Variants in WDR17 observed in about 807,000 individuals in gnomAD.
WDR17 encodes WD repeat-containing protein 17.
WDR17 carries 143 observed loss-of-function variants against 161.7 expected under a neutral mutation model. The ratio of observed to expected loss-of-function variants is 0.88; its 90% CI spans 0.77 to 1.02. The LOEUF (loss-of-function observed/expected upper bound fraction) is 1.02. Among genes scored for constraint, WDR17 ranks in the 50% least tolerant of loss-of-function variants. The pLI is 0.00. For missense variants in WDR17, 1,469 were observed against 1,520.9 expected (o/e 0.97, Z 0.57); for synonymous variants, 517 against 515.6 (o/e 1.00, Z -0.04).
intron 1 of WDR17, among the ~76,000 whole-genome samples, chr4:176,070,680 AT>A (rs762685959): frequency 3.3e-3 from 479 of 143,384 alleles, no homozygotes; most frequent in Admixed American, 4.0e-3. Context: ...CTCTTGGCTA[AT>A]TTTTTTTTTT....
chr4:176,143,600 G>A (rs1054401318), intron 11 of WDR17, among the ~76,000 whole-genome samples: 1 of 152,088 alleles, frequency 6.6e-6, no homozygotes, highest in African/African-American at 2.4e-5. Context: ...GATGGGTTGA[G>A]CCCAGGAGGT....
intron 3 of WDR17, among the ~76,000 whole-genome samples, chr4:176,118,909 C>T (rs183248456): frequency 8.5e-4 from 129 of 151,856 alleles, no homozygotes; most frequent in African/African-American, 2.9e-3. Context: ...TGCAGTGAGC[C>T]GAGATTGCAT....
chr4:176,079,154 A>T (rs1253429028), intron 1 of WDR17, among the ~76,000 whole-genome samples: 1 of 152,112 alleles, frequency 6.6e-6, no homozygotes. Context: ...GGCTTATTTC[A>T]CTTAACATGT....
intron 1 of WDR17, among the ~76,000 whole-genome samples, chr4:176,084,681 T>A (rs1378669013): frequency 6.6e-6 from 1 of 150,616 alleles, no homozygotes; most frequent in Non-Finnish European, 1.5e-5. Context: ...TTTTAAAGCT[T>A]TAATACTTTA....
Position 176,138,770 on chromosome 4 carries a change from G to A in WDR17, c.1360-1122G>A, listed in dbSNP as rs1212751151. ...CCTAAACACTTCCAGCCTGATTGTG[G>A]AAACCCAGCATTTTAGTATCAAGGA... is the stretch of plus-strand genomic sequence containing the variant. On this transcript the variant is annotated intron_variant, in intron 9 of 28. Transcript: ENST00000508596. 2.6e-5 allele frequency among the ~76,000 whole-genome samples: 4 copies of A among 151,770 alleles called. No individual in the cohort carries two copies. The South Asian group carries it at 8.3e-4, about 31-fold the overall frequency.
intron 8 of WDR17, 28 bp downstream of exon 8, chr4:176,135,304 A>G (rs773810932): frequency 8.1e-6 from 13 of 1,605,498 alleles, no homozygotes; most frequent in Admixed American, 5.0e-5. Context: ...GAAATTAGGA[A>G]TACAATGAAA....
intron 1 of WDR17, among the ~76,000 whole-genome samples, chr4:176,087,003 C>G (rs765340616): frequency 3.3e-5 from 5 of 151,894 alleles, no homozygotes; most frequent in African/African-American, 7.2e-5. Context: ...CTAATACTAA[C>G]TCCATTTATC....
chr4:176,132,967 G>C (rs1041970373), intron 7 of WDR17, among the ~76,000 whole-genome samples: 1 of 151,512 alleles, frequency 6.6e-6, no homozygotes, highest in Non-Finnish European at 1.5e-5. Flanking sequence ...CATCAGCACT[G>C]GGTTGAGTCA....
rs961795446 is a variant in WDR17, at chr4:176,065,961, T to A, written c.-125T>A. On this transcript the variant is annotated 5_prime_UTR_variant, in exon 1 of 29. Coordinates refer to ENST00000508596, the MANE Select transcript of WDR17 (RefSeq NM_181265.4). The stretch of plus-strand genomic sequence containing the variant: ...CCGGCCGCCCCGCCCCCGGGCGCCC[T>A]GAGCGAGCAGGCGGGGAGGGCGGGG... 6.6e-6 allele frequency: 1 copy of A among 152,036 alleles called. No homozygotes were observed. The highest frequency in any genetic ancestry group is 2.4e-5 in the African/African-American group (1 of 41,402). 9.4% of individuals were successfully genotyped at this position (152,036 alleles called of 1,614,324 possible).
rs769822922 is a variant in WDR17 at position 176,120,037 on chromosome 4, C to T, written c.478C>T (p.His160Tyr). The change falls in exon 4 of 29, where the codon CAC (histidine) becomes TAC (tyrosine). Residue 160 changes from histidine (H) to tyrosine (Y), a missense_variant. Transcript: ENST00000508596. ...TATCTGTATGTTCAGATGGCATACA[C>T]ACCAAAAGGGGAAAGTTGTGTTTGG... ...SDICMFRWHTHQKGKVVFGHI... is the reference protein window; with the variant it reads ...SDICMFRWHTYQKGKVVFGHI... 6.2e-7 allele frequency: 1 copy of T among 1,613,960 alleles called. No homozygotes were observed. The highest frequency in any genetic ancestry group is 8.5e-7 in the Non-Finnish European group (1 of 1,179,966).
intron 19 of WDR17, 41 bp from the exon 20 acceptor site, chr4:176,160,870 C>CA: frequency 6.8e-7 from 1 of 1,476,490 alleles, no homozygotes; most frequent in Non-Finnish European, 9.2e-7. Context: ...CAATTATCAA[C>CA]AATTAGCTAA....
chr4:176,151,394 C>T (rs6826405), intron 16 of WDR17, among the ~76,000 whole-genome samples: 7,579 of 152,132 alleles, frequency 0.05, 583 homozygotes, highest in African/African-American at 0.16. Flanking sequence ...CCGTGTCCCA[C>T]CCCCACACAC....
Position 176,142,040 on chromosome 4 carries a change from G to A in WDR17, c.1500G>A (p.Val500=), listed in dbSNP as rs780820011. 22 of 1,610,932 alleles carry A rather than the reference G, an allele frequency of 1.4e-5. No homozygotes were observed. The highest frequency in any genetic ancestry group is 1.8e-5 in the Non-Finnish European group (21 of 1,178,356). The change falls in exon 11 of 29, where the codon GTG becomes GTA. Residue 500 remains valine, a synonymous_variant. Coordinates refer to ENST00000508596, the MANE Select transcript of WDR17 (RefSeq NM_181265.4). ...ACAAATATAAACATCCAGCTGCAGT[G>A]TTTGGTTGTGATTGGAGCCAAAACA... ...VLHKYKHPAA[V]FGCDWSQNNK... is the part of the protein sequence containing the mutation.
chr4:176,148,761 T>C (rs968625939), intron 13 of WDR17, among the ~76,000 whole-genome samples: 18 of 152,256 alleles, frequency 1.2e-4, no homozygotes, highest in Admixed American at 2.0e-4. Flanking sequence ...TCCTCTATTC[T>C]TGGATGTTTA....
At position 176,130,670 on chromosome 4, in the gene WDR17, G is replaced by A. The variant is rs375290074; in HGVS notation, c.914-884G>A. 8.1e-4 allele frequency among the ~76,000 whole-genome samples: 123 copies of A among 151,692 alleles called. 1 individual carries two copies. The South Asian group carries it at 0.025, about 31-fold the overall frequency. On this transcript the variant is annotated intron_variant, in intron 6 of 28. Coordinates refer to ENST00000508596, the MANE Select transcript of WDR17 (RefSeq NM_181265.4). ...TGAGGCAAGAGAATGGCGTCAACCT[G>A]GGAGGCGGAGCTTGCAGTGAGCCGA...
At chr4:176,086,829 G>A (rs1402458555) in intron 1 of WDR17, among the ~76,000 whole-genome samples, 3 of 151,158 alleles carry the variant, frequency 2.0e-5, no homozygotes, top group Non-Finnish European at 4.4e-5. Context: ...TACAGTTTTT[G>A]TTTTCTGATT....
At chr4:176,146,278 G>C in intron 12 of WDR17, 119 bp downstream of exon 12, 2 of 1,063,922 alleles carry the variant, frequency 1.9e-6, no homozygotes, top group Non-Finnish European at 1.3e-6. Context: ...CTGTCACCCA[G>C]GCTGGAATGC....
chr4:176,067,842 G>A (rs936538441), intron 1 of WDR17, among the ~76,000 whole-genome samples: 1 of 152,146 alleles, frequency 6.6e-6, no homozygotes, highest in African/African-American at 2.4e-5. Context: ...TTAAGAACAG[G>A]TTTCTGTTTG....
chr4:176,102,074 A>G (rs1167475444), intron 1 of WDR17, among the ~76,000 whole-genome samples: 1 of 152,214 alleles, frequency 6.6e-6, no homozygotes, highest in Non-Finnish European at 1.5e-5. Context: ...ACAGAATAAG[A>G]AGGCAAGCCA....
Sources: allele counts gnomAD v4.1 joint callset (sites outside exome capture counted in the v4.1 genomes callset), GRCh38; gene constraint gnomAD v4.1.1; transcripts MANE v1.5; gene names NCBI Gene and HGNC (gene_info 2026-07-23, HGNC 2026-07-21).